Variants in SLC39A11 observed in about 807,000 individuals in gnomAD.
SLC39A11 encodes zinc transporter ZIP11.
SLC39A11 carries 33 observed loss-of-function variants against 36.1 expected under a neutral mutation model. The observed-to-expected ratio is 0.91, with a 90% CI of 0.69 to 1.22. The LOEUF (loss-of-function observed/expected upper bound fraction) is 1.22, where lower values mean the gene tolerates loss of function less well. SLC39A11 is among the 50% of genes most tolerant of loss of function. SLC39A11 has a pLI of 0.00. For synonymous variants in SLC39A11, 166 were observed against 170.3 expected, an observed-to-expected ratio of 0.97 and a Z score of 0.20; for missense variants, 432 against 430.3, an observed-to-expected ratio of 1.00 and a Z score of -0.03.
chr17:73,066,305 G>A (rs78285724), intron 3 of SLC39A11, among the ~76,000 whole-genome samples: 3,626 of 152,160 alleles, frequency 0.024, 116 homozygotes, highest in African/African-American at 0.077. Flanking sequence ...AAATGACCGC[G>A]GCCTCATGAG....
At chr17:73,080,250 C>G (rs2060467841) in intron 3 of SLC39A11, among the ~76,000 whole-genome samples, 1 of 152,146 alleles carries the variant, frequency 6.6e-6, no homozygotes, top group Non-Finnish European at 1.5e-5. Context: ...TTTAAGACTA[C>G]AGTCACCAAA....
intron 7 of SLC39A11, among the ~76,000 whole-genome samples, chr17:72,666,889 C>T (rs1349992002): frequency 6.6e-6 from 1 of 152,192 alleles, no homozygotes; most frequent in Non-Finnish European, 1.5e-5. Flanking sequence ...ATTCCTATTC[C>T]TTTGCAAATG....
At position 72,817,256 on chromosome 17, in the gene SLC39A11, G is replaced by A. The variant is rs2077612112; in HGVS notation, c.601+32378C>T. ...GTGGAAGGCAAAGGGGAACTGGCAT[G>A]TGCAGAGGTCAATGGCAAGAGAGGA... On this transcript the variant is annotated intron_variant, in intron 6 of 9. Coordinates refer to ENST00000255559, the MANE Select transcript of SLC39A11 (RefSeq NM_139177.4). Among the ~76,000 whole-genome samples, 4 of 149,330 alleles carry A rather than the reference G, an allele frequency of 2.7e-5. No homozygotes were observed. The South Asian group carries it at 8.7e-4, about 32-fold the overall frequency.
intron 5 of SLC39A11, among the ~76,000 whole-genome samples, chr17:72,917,197 T>C (rs1261553540): frequency 6.6e-6 from 1 of 152,186 alleles, no homozygotes; most frequent in African/African-American, 2.4e-5. Context: ...TGCACACACG[T>C]GGTTAACACA....
intron 7 of SLC39A11, among the ~76,000 whole-genome samples, chr17:72,723,487 C>A (rs1292470935): frequency 6.6e-6 from 1 of 152,070 alleles, no homozygotes; most frequent in Non-Finnish European, 1.5e-5. Flanking sequence ...TGAGGCCAAC[C>A]CCAAACACAC....
rs535858133 is a variant in SLC39A11 at position 72,972,866 on chromosome 17, C to T, written c.307-24991G>A. ...TTCCCTGCCAAGGTCAAGTTTTGGC[C>T]AACCCTCCTGTTGGATATTCTTTTT... On this transcript the variant is annotated intron_variant, in intron 4 of 9. Coordinates refer to ENST00000255559, the MANE Select transcript of SLC39A11 (RefSeq NM_139177.4). Among the ~76,000 whole-genome samples, 3 of 152,214 alleles carry T rather than the reference C, an allele frequency of 2.0e-5. No homozygotes were observed. The East Asian group carries it at 5.8e-4, about 30-fold the overall frequency.
At chr17:73,030,967 A>T (rs956566674) in intron 4 of SLC39A11, among the ~76,000 whole-genome samples, 1 of 152,118 alleles carries the variant, frequency 6.6e-6, no homozygotes, top group African/African-American at 2.4e-5. Context: ...CTTATCCCCA[A>T]TTCCAGTGCA....
chr17:72,695,250 A>G lies in SLC39A11; in HGVS notation c.671+41400T>C, dbSNP rs897965962. 5.6e-4 allele frequency among the ~76,000 whole-genome samples: 85 copies of G among 151,972 alleles called. 1 individual carries two copies. Among genetic ancestry groups the G allele is most frequent in the African/African-American group, 1.9e-3 (79 of 41,362 alleles). ...CTCTCTACCCCCACTCCTCCCTATC[A>G]TGTTCTCAGGAGTTTTGAGCCATTC... On this transcript the variant is annotated intron_variant, in intron 7 of 9. Coordinates refer to ENST00000255559, the MANE Select transcript of SLC39A11 (RefSeq NM_139177.4).
chr17:73,084,907 CAAG>C, intron 2 of SLC39A11, 61 bp from the exon 3 acceptor site: 27 of 1,564,684 alleles, frequency 1.7e-5, no homozygotes, highest in Non-Finnish European at 1.8e-5. Context: ...TTTCCTGGGA[CAAG>C]AAGAAACCAT....
intron 6 of SLC39A11, among the ~76,000 whole-genome samples, chr17:72,828,494 G>T (rs1218894797): frequency 6.6e-6 from 1 of 152,192 alleles, no homozygotes; most frequent in Non-Finnish European, 1.5e-5. Context: ...ACAGAGAGGG[G>T]TATTTGTCTC....
At chr17:72,754,041 TATATACACATACACACACACACACACAC>T (rs1364137853) in intron 6 of SLC39A11, among the ~76,000 whole-genome samples, 5 of 54,546 alleles carry the variant, frequency 9.2e-5, no homozygotes, top group Non-Finnish European at 2.1e-4. Context: ...TATATATATA[TATATACACATACACACACACACACACAC>T]ACACACACAC....
chr17:72,763,866 A>C (rs1220592439), intron 6 of SLC39A11, among the ~76,000 whole-genome samples: 1 of 152,158 alleles, frequency 6.6e-6, no homozygotes, highest in Non-Finnish European at 1.5e-5. Flanking sequence ...TTTCCAGCAC[A>C]TGAAGCTAAC....
intron 6 of SLC39A11, among the ~76,000 whole-genome samples, chr17:72,740,056 CTTTTTTTTTTT>C (rs386386565): frequency 2.5e-5 from 2 of 81,470 alleles, no homozygotes; most frequent in East Asian, 8.4e-4. Context: ...CTTTCCTTTT[CTTTTTTTTTTT>C]TTTTTTTTTT....
intron 6 of SLC39A11, among the ~76,000 whole-genome samples, chr17:72,774,246 C>T (rs1018298046): frequency 1.3e-5 from 2 of 152,200 alleles, no homozygotes; most frequent in East Asian, 1.9e-4. Flanking sequence ...ATGGCCCTTG[C>T]AGGGACTCAA....
intron 6 of SLC39A11, among the ~76,000 whole-genome samples, chr17:72,805,918 T>C (rs11077635): frequency 0.46 from 70,508 of 151,764 alleles, 20,070 homozygotes; most frequent in Non-Finnish European, 0.64. Context: ...CCAGCTAATT[T>C]TTTTTTGTAT....
At chr17:72,748,009 AG>A (rs1568024794) in intron 6 of SLC39A11, among the ~76,000 whole-genome samples, 1 of 152,184 alleles carries the variant, frequency 6.6e-6, no homozygotes, top group African/African-American at 2.4e-5. Context: ...GTTCTAGAAA[AG>A]TTGACTTTAA....
chr17:72,859,577 T>G (rs530547175), intron 5 of SLC39A11, among the ~76,000 whole-genome samples: 19 of 150,356 alleles, frequency 1.3e-4, no homozygotes, highest in African/African-American at 4.4e-4. Flanking sequence ...AGGGACCAGG[T>G]TCTATGGAGT....
At chr17:72,852,404 C>T (rs1038857642) in intron 5 of SLC39A11, among the ~76,000 whole-genome samples, 13 of 152,084 alleles carry the variant, frequency 8.5e-5, no homozygotes, top group African/African-American at 3.1e-4. Context: ...TTTGGTCCTC[C>T]ACAACGCAAG....
chr17:72,827,651 T>C (rs114690510), intron 6 of SLC39A11, among the ~76,000 whole-genome samples: 2,202 of 152,302 alleles, frequency 0.014, 64 homozygotes, highest in African/African-American at 0.047. Context: ...AACATGAGTT[T>C]GATATGAAGG....
Sources: allele counts gnomAD v4.1 joint callset (sites outside exome capture counted in the v4.1 genomes callset), GRCh38; gene constraint gnomAD v4.1.1; transcripts MANE v1.5; gene names NCBI Gene and HGNC (gene_info 2026-07-23, HGNC 2026-07-21).